The following PHF21A variants were observed in gnomAD, a reference collection of about 807,000 sequenced individuals.
PHF21A encodes the protein BHC80a.
PHF21A carries 11 observed loss-of-function variants against 82.5 expected under a neutral mutation model. That is an observed-to-expected ratio of 0.13 (90% CI 0.08 to 0.22). The LOEUF (loss-of-function observed/expected upper bound fraction) is 0.22. Ranked by LOEUF, PHF21A falls within the 10% of genes least tolerant of loss-of-function variation. The pLI is 1.00. For synonymous variants in PHF21A, 297 were observed against 302.8 expected (o/e 0.98, Z 0.20); for missense variants, 579 against 837.8 (o/e 0.69, Z 3.81).
intron 6 of PHF21A, among the ~76,000 whole-genome samples, chr11:46,003,783 C>T (rs1159247729): frequency 6.6e-6 from 1 of 152,304 alleles, no homozygotes; most frequent in East Asian, 1.9e-4. Flanking sequence ...TTAAAAGCTT[C>T]ATTACACTCT....
intron 7 of PHF21A, among the ~76,000 whole-genome samples, chr11:45,972,599 G>A (rs1485173475): frequency 1.3e-5 from 2 of 152,166 alleles, no homozygotes; most frequent in African/African-American, 2.4e-5. Context: ...TCAACATGGC[G>A]AAAGCCCGTC....
At chr11:46,104,876 C>T (rs1160427350) in intron 1 of PHF21A, among the ~76,000 whole-genome samples, 3 of 152,164 alleles carry the variant, frequency 2.0e-5, no homozygotes, top group African/African-American at 7.2e-5. Context: ...CAAGGTCACA[C>T]ATTAAACTTT....
chr11:46,009,491 G>A (rs1243893721), intron 6 of PHF21A, among the ~76,000 whole-genome samples: 1 of 152,132 alleles, frequency 6.6e-6, no homozygotes. Context: ...AACATGTAAC[G>A]ATAATAGCAG....
At chr11:46,101,963 T>C (rs2097102314) in intron 1 of PHF21A, among the ~76,000 whole-genome samples, 1 of 152,110 alleles carries the variant, frequency 6.6e-6, no homozygotes, top group Non-Finnish European at 1.5e-5. Flanking sequence ...GTTCAAGCGA[T>C]TCTCCTGCCT....
At chr11:46,090,432 C>T (rs956568430) in intron 3 of PHF21A, 23 bp downstream of exon 3, 1 of 151,990 alleles carries the variant, frequency 6.6e-6, no homozygotes, top group African/African-American at 2.4e-5. Flanking sequence ...GGATAAGAGT[C>T]GTACAAAAAA....
At chr11:45,997,422 G>A (rs957615234) in intron 6 of PHF21A, among the ~76,000 whole-genome samples, 3 of 152,016 alleles carry the variant, frequency 2.0e-5, no homozygotes, top group Non-Finnish European at 2.9e-5. Flanking sequence ...CTTGCTGCAC[G>A]TTACATACTA....
chr11:45,962,215 A>C (rs1466106145), intron 10 of PHF21A, among the ~76,000 whole-genome samples: 1 of 152,208 alleles, frequency 6.6e-6, no homozygotes, highest in Non-Finnish European at 1.5e-5. Flanking sequence ...TTTTTATTAA[A>C]TGAATGATGT....
At chr11:45,980,047 T>G in intron 6 of PHF21A, 81 bp from the exon 7 acceptor site, 1 of 1,587,392 alleles carries the variant, frequency 6.3e-7, no homozygotes, top group Non-Finnish European at 8.6e-7. Flanking sequence ...CTGACATCTT[T>G]TCTATAAATA....
intron 6 of PHF21A, among the ~76,000 whole-genome samples, chr11:46,050,337 C>T (rs2096335941): frequency 6.6e-6 from 1 of 152,158 alleles, no homozygotes; most frequent in Non-Finnish European, 1.5e-5. Context: ...AGAAAAGTGG[C>T]CGGCTTACTT....
At chr11:46,096,654 C>T (rs959747427) in intron 1 of PHF21A, among the ~76,000 whole-genome samples, 2 of 152,084 alleles carry the variant, frequency 1.3e-5, no homozygotes, top group African/African-American at 4.8e-5. Flanking sequence ...GCTGGTTCCT[C>T]CTTGCCTCCA....
In PHF21A at chr11:46,031,743, G is replaced by C. The variant is rs540070807; in HGVS notation, c.153+45011C>G. The stretch of plus-strand genomic sequence containing the variant: ...CTGGCTTTGTCTGTTAGGTCTAATA[G>C]TGTCTGGAAAAGAATGCAATAATTT... On this transcript the variant is annotated intron_variant, in intron 6 of 18. Transcript: ENST00000676320. Among the ~76,000 whole-genome samples, 253 of 152,248 alleles carry C rather than the reference G, an allele frequency of 1.7e-3. 1 individual carries two copies. Among genetic ancestry groups the C allele is most frequent in the South Asian group, 3.1e-3 (15 of 4,822 alleles).
chr11:46,089,989 A>G (rs1172620683), intron 3 of PHF21A, among the ~76,000 whole-genome samples: 2 of 151,826 alleles, frequency 1.3e-5, no homozygotes, highest in Non-Finnish European at 2.9e-5. Flanking sequence ...CCCAATATAC[A>G]GTTTCTACCT....
chr11:46,099,562 A>ACACACACACACACACACACACACC (rs1228299404), intron 1 of PHF21A, among the ~76,000 whole-genome samples: 1 of 145,922 alleles, frequency 6.9e-6, no homozygotes, highest in East Asian at 2.0e-4. Flanking sequence ...ACACACACAC[A>ACACACACACACACACACACACACC]CCCTAAACAC....
At chr11:45,960,025 A>C (rs954839962) in intron 10 of PHF21A, among the ~76,000 whole-genome samples, 3 of 152,216 alleles carry the variant, frequency 2.0e-5, no homozygotes, top group Admixed American at 6.5e-5. Flanking sequence ...CAAAAAGGAA[A>C]GTAATAGGTG....
intron 6 of PHF21A, among the ~76,000 whole-genome samples, chr11:45,998,073 T>C (rs542220599): frequency 6.6e-6 from 1 of 152,178 alleles, no homozygotes; most frequent in Non-Finnish European, 1.5e-5. Flanking sequence ...CATGTACCAC[T>C]GTGGAGAGAG....
At chr11:45,956,295 A>G (rs1230977345) in intron 10 of PHF21A, among the ~76,000 whole-genome samples, 1 of 152,210 alleles carries the variant, frequency 6.6e-6, no homozygotes, top group Non-Finnish European at 1.5e-5. Context: ...ATTTATTTTT[A>G]ACTTCTCTTT....
intron 7 of PHF21A, among the ~76,000 whole-genome samples, chr11:45,977,828 T>TTTTTTCTTCTTCTTC (rs1268437363): frequency 3.9e-4 from 60 of 152,040 alleles, no homozygotes; most frequent in African/African-American, 1.4e-3. Flanking sequence ...CTTTTTTCTT[T>TTTTTTCTTCTTCTTC]TTTTTCTTCT....
chr11:46,062,081 T>C (rs1396874660), intron 6 of PHF21A, among the ~76,000 whole-genome samples: 1 of 151,992 alleles, frequency 6.6e-6, no homozygotes, highest in African/African-American at 2.4e-5. Context: ...TTTGCAACTG[T>C]TTTTTGTTTT....
At chr11:46,114,086 TACAC>T (rs57387891) in intron 1 of PHF21A, among the ~76,000 whole-genome samples, 1 of 149,056 alleles carries the variant, frequency 6.7e-6, no homozygotes, top group Non-Finnish European at 1.5e-5. Flanking sequence ...TCTAATTCCC[TACAC>T]ACACACACAC....
Sources: allele counts gnomAD v4.1 joint callset (sites outside exome capture counted in the v4.1 genomes callset), GRCh38; gene constraint gnomAD v4.1.1; transcripts MANE v1.5; gene names NCBI Gene and HGNC (gene_info 2026-07-23, HGNC 2026-07-21).